Variants in LUZP2 observed in about 807,000 individuals in gnomAD.
The protein encoded by LUZP2 is leucine zipper protein 2.
A neutral mutation model predicts 51.6 loss-of-function variants in LUZP2; 52 were observed. The observed-to-expected ratio is 1.01, with a 90% CI of 0.81 to 1.27. LUZP2 has a LOEUF of 1.27. Among genes scored for constraint, LUZP2 ranks in the 50% most tolerant of loss-of-function variants. The pLI, the probability that LUZP2 is intolerant of heterozygous loss-of-function variation, is 0.00. For synonymous variants in LUZP2, 154 were observed against 137.3 expected, an observed-to-expected ratio of 1.12 and a Z score of -0.85; for missense variants, 436 against 395.4, an observed-to-expected ratio of 1.10 and a Z score of -0.87.
chr11:25,013,586 C>G (rs1003043725), intron 9 of LUZP2, among the ~76,000 whole-genome samples: 1 of 151,686 alleles, frequency 6.6e-6, no homozygotes, highest in Admixed American at 6.6e-5. Flanking sequence ...TCTTTTTTCA[C>G]TTTTAGCTAT....
At chr11:24,740,392 A>G (rs1342949470) in intron 4 of LUZP2, among the ~76,000 whole-genome samples, 1 of 152,142 alleles carries the variant, frequency 6.6e-6, no homozygotes, top group Non-Finnish European at 1.5e-5. Context: ...CTTTGCCTTC[A>G]TCTCAGCGTG....
intron 5 of LUZP2, among the ~76,000 whole-genome samples, chr11:24,870,474 C>CAT (rs1419748839): frequency 5.0e-5 from 1 of 19,910 alleles, no homozygotes. Flanking sequence ...AGTTCCTACA[C>CAT]ACACACACAC....
intron 7 of LUZP2, among the ~76,000 whole-genome samples, chr11:24,923,429 T>G (rs7933569): frequency 0.6 from 90,691 of 151,684 alleles, 27,699 homozygotes; most frequent in East Asian, 0.83. Context: ...GGGCGCGGTG[T>G]CTCACGCCTG....
intron 4 of LUZP2, among the ~76,000 whole-genome samples, chr11:24,745,959 T>G (rs1752168047): frequency 6.6e-6 from 1 of 152,168 alleles, no homozygotes; most frequent in South Asian, 2.1e-4. Flanking sequence ...ATTACAGGCA[T>G]GAGCTACTGT....
chr11:24,754,469 G>T (rs913010887), intron 4 of LUZP2, among the ~76,000 whole-genome samples: 1 of 152,108 alleles, frequency 6.6e-6, no homozygotes, highest in African/African-American at 2.4e-5. Context: ...ATTTGATAAG[G>T]CTTCTCTGAC....
chr11:24,939,045 T>A (rs1854670690), intron 7 of LUZP2, among the ~76,000 whole-genome samples: 1 of 152,114 alleles, frequency 6.6e-6, no homozygotes, highest in Non-Finnish European at 1.5e-5. Flanking sequence ...TTAATCAGAT[T>A]TGAAAGGATT....
At chr11:24,850,797 G>T (rs754935920) in intron 5 of LUZP2, among the ~76,000 whole-genome samples, 1 of 151,992 alleles carries the variant, frequency 6.6e-6, no homozygotes, top group Non-Finnish European at 1.5e-5. Context: ...TGATTTCCTT[G>T]AGCAGTGGTT....
rs1428135811 is a variant in LUZP2 at position 24,614,884 on chromosome 11, T to C, written c.63-114285T>C. Among the ~76,000 whole-genome samples, 5 of 151,988 alleles carry C rather than the reference T, an allele frequency of 3.3e-5. No homozygotes were observed. In the East Asian group the frequency reaches 9.6e-4, roughly 29 times the overall value. Reference sequence around the variant, plus strand: ...CTATCTCAACCTCATAGACTTTATCTGCCTCATGCATATTTCTATCACAAG... The same window carrying C: ...CTATCTCAACCTCATAGACTTTATCCGCCTCATGCATATTTCTATCACAAG... On this transcript the variant is annotated intron_variant, in intron 1 of 11. Coordinates refer to ENST00000336930, the MANE Select transcript of LUZP2 (RefSeq NM_001009909.4).
At chr11:24,541,939 A>G (rs1290072171) in intron 1 of LUZP2, among the ~76,000 whole-genome samples, 3 of 152,026 alleles carry the variant, frequency 2.0e-5, no homozygotes, top group Admixed American at 1.3e-4. Flanking sequence ...GTTTGTTGCC[A>G]TAATAGGAAG....
chr11:24,973,111 A>G (rs1293526517), intron 7 of LUZP2, among the ~76,000 whole-genome samples: 2 of 143,878 alleles, frequency 1.4e-5, no homozygotes, highest in Non-Finnish European at 3.0e-5. Flanking sequence ...TACTGCCTCA[A>G]TTTTAGAACT....
At chr11:24,507,190 C>T (rs1421439618) in intron 1 of LUZP2, among the ~76,000 whole-genome samples, 1 of 151,946 alleles carries the variant, frequency 6.6e-6, no homozygotes, top group Non-Finnish European at 1.5e-5. Flanking sequence ...TATTTCAGTT[C>T]CTACCCTAGA....
intron 5 of LUZP2, among the ~76,000 whole-genome samples, chr11:24,893,772 G>GCACACA (rs34127798): frequency 5.0e-4 from 75 of 149,534 alleles, no homozygotes; most frequent in African/African-American, 1.8e-3. Flanking sequence ...AAATACACAC[G>GCACACA]CACACACACA....
At chr11:24,974,011 G>T (rs1392033857) in intron 7 of LUZP2, among the ~76,000 whole-genome samples, 1 of 151,922 alleles carries the variant, frequency 6.6e-6, no homozygotes, top group South Asian at 2.1e-4. Flanking sequence ...TCTTGGTGAT[G>T]TGTCTAATAT....
chr11:24,546,378 T>G (rs1028349102), intron 1 of LUZP2, among the ~76,000 whole-genome samples: 1 of 152,096 alleles, frequency 6.6e-6, no homozygotes, highest in Non-Finnish European at 1.5e-5. Flanking sequence ...AGGGAAATGC[T>G]TCCAGCTCCT....
chr11:24,800,746 A>G (rs774058541), intron 5 of LUZP2, among the ~76,000 whole-genome samples: 3 of 152,128 alleles, frequency 2.0e-5, no homozygotes, highest in Admixed American at 6.6e-5. Flanking sequence ...AAATTTTACT[A>G]TAAGCCCCAG....
chr11:24,598,057 C>T (rs967223235), intron 1 of LUZP2, among the ~76,000 whole-genome samples: 11 of 150,518 alleles, frequency 7.3e-5, no homozygotes, highest in East Asian at 3.9e-4. Flanking sequence ...GCAGAGATTG[C>T]GCCATTGCAC....
In LUZP2 at chr11:24,916,051, C is replaced by G. The variant is rs186426241; in HGVS notation, c.522+1513C>G. On this transcript the variant is annotated intron_variant, in intron 7 of 11. Coordinates refer to ENST00000336930, the MANE Select transcript of LUZP2 (RefSeq NM_001009909.4). ...ACTTTGAAGAAGTAATGCTTGCTGT[C>G]AAAACATTTACATTTCATCCTAAAA... is the stretch of plus-strand genomic sequence containing the variant. 1.2e-3 allele frequency among the ~76,000 whole-genome samples: 186 copies of G among 151,486 alleles called. 1 individual carries two copies. The highest frequency in any genetic ancestry group is 1.8e-3 in the Non-Finnish European group (120 of 67,876).
chr11:24,800,905 C>T (rs1212937837), intron 5 of LUZP2, among the ~76,000 whole-genome samples: 1 of 151,900 alleles, frequency 6.6e-6, no homozygotes, highest in African/African-American at 2.4e-5. Flanking sequence ...AAATATATGT[C>T]CAAAAGCTAT....
At chr11:24,998,072 C>G (rs1425013353) in intron 9 of LUZP2, among the ~76,000 whole-genome samples, 1 of 152,106 alleles carries the variant, frequency 6.6e-6, no homozygotes, top group Admixed American at 6.6e-5. Context: ...CAGCTTTGTT[C>G]TTTTTGCTTA....
Sources: allele counts gnomAD v4.1 joint callset (sites outside exome capture counted in the v4.1 genomes callset), GRCh38; gene constraint gnomAD v4.1.1; transcripts MANE v1.5; gene names NCBI Gene and HGNC (gene_info 2026-07-23, HGNC 2026-07-21).